ANKFN1: variants seen among roughly 807,000 people sequenced by gnomAD.
ANKFN1 encodes ankyrin repeat and fibronectin type III domain containing 1.
In ANKFN1, 74 loss-of-function variants were observed where a neutral mutation model predicts 108.7. The ratio of observed to expected loss-of-function variants is 0.68; its 90% CI spans 0.56 to 0.83. The LOEUF is 0.83. ANKFN1 is among the 40% of genes least tolerant of loss of function. ANKFN1 has a pLI of 0.00. For missense variants in ANKFN1, 1,505 were observed against 1,382.3 expected, an observed-to-expected ratio of 1.09 and a Z score of -1.41; for synonymous variants, 547 against 516.2, an observed-to-expected ratio of 1.06 and a Z score of -0.81.
At chr17:56,211,583 A>T (rs750643869) in intron 1 of ANKFN1, among the ~76,000 whole-genome samples, 18 of 152,244 alleles carry the variant, frequency 1.2e-4, no homozygotes, top group Non-Finnish European at 4.4e-5. Context: ...TGCTTTGGCT[A>T]TGCAGGCTTT....
intron 4 of ANKFN1, among the ~76,000 whole-genome samples, chr17:56,335,556 C>G (rs1035444243): frequency 2.6e-5 from 4 of 152,148 alleles, no homozygotes; most frequent in African/African-American, 9.7e-5. Flanking sequence ...GATTTTTGCA[C>G]ATTGATTTTG....
intron 15 of ANKFN1, among the ~76,000 whole-genome samples, chr17:56,469,586 C>T (rs2050244640): frequency 6.6e-6 from 1 of 151,908 alleles, no homozygotes; most frequent in Admixed American, 6.6e-5. Flanking sequence ...GTGTGAATAC[C>T]GACTCCACCC....
intron 4 of ANKFN1, among the ~76,000 whole-genome samples, chr17:56,071,939 A>C (rs1468930496): frequency 6.6e-6 from 1 of 152,262 alleles, no homozygotes; most frequent in East Asian, 1.9e-4. Context: ...TTCTGAGTGC[A>C]TGTTCTGGGC....
chr17:56,306,404 A>G (rs980830881), intron 3 of ANKFN1, among the ~76,000 whole-genome samples: 7 of 152,226 alleles, frequency 4.6e-5, no homozygotes, highest in South Asian at 2.1e-4. Context: ...TTTATGTGCA[A>G]AAATCACAAG....
intron 4 of ANKFN1, among the ~76,000 whole-genome samples, chr17:56,075,536 A>G (rs1327203718): frequency 6.6e-6 from 1 of 152,164 alleles, no homozygotes; most frequent in Non-Finnish European, 1.5e-5. Flanking sequence ...TATTCATGGC[A>G]TAAGAACAAT....
intron 3 of ANKFN1, among the ~76,000 whole-genome samples, chr17:56,308,452 G>C (rs977611277): frequency 3.3e-5 from 5 of 151,950 alleles, no homozygotes; most frequent in African/African-American, 1.2e-4. Context: ...TCTTTTTGTA[G>C]ATTTGTTGGG....
At chr17:56,180,379 C>A (rs928923823) in intron 1 of ANKFN1, among the ~76,000 whole-genome samples, 2 of 152,172 alleles carry the variant, frequency 1.3e-5, no homozygotes, top group Non-Finnish European at 1.5e-5. Flanking sequence ...TCTGTAAGCC[C>A]ATTCTTACCT....
rs1568025892 is a variant in ANKFN1, at chr17:56,467,767, GAAAGAAAGAAAGAAAGAA to G, written c.1773+1198_1773+1215del. ...ACAAAGAAAGAAAGAAAGAAAGAAA[GAAAGAAAGAAAGAAAGAA>G]AGAAAGAAGAAAGAAAGAAAGAAAG... On this transcript the variant is annotated intron_variant, in intron 15 of 20. Transcript: ENST00000682825. Among the ~76,000 whole-genome samples the G allele has an allele frequency of 2.5e-3, 58 of 23,574 alleles. 1 individual carries two copies. Among genetic ancestry groups the G allele is most frequent in the Admixed American group, 5.0e-3 (7 of 1,396 alleles). 15.5% of individuals were successfully genotyped at this position (23,574 alleles called of 152,430 possible).
chr17:56,186,124 G>T (rs532276461), intron 1 of ANKFN1, among the ~76,000 whole-genome samples: 6 of 152,262 alleles, frequency 3.9e-5, no homozygotes, highest in African/African-American at 1.2e-4. Flanking sequence ...TTTTACAAGG[G>T]TAAGTTTGGA....
At chr17:56,096,463 A>G (rs1905536573) in intron 4 of ANKFN1, among the ~76,000 whole-genome samples, 1 of 152,216 alleles carries the variant, frequency 6.6e-6, no homozygotes, top group Non-Finnish European at 1.5e-5. Flanking sequence ...AACAGTTGGA[A>G]TTGCTTTTAT....
chr17:56,374,220 C>T (rs540363881), intron 7 of ANKFN1, among the ~76,000 whole-genome samples: 2 of 152,134 alleles, frequency 1.3e-5, no homozygotes, highest in Admixed American at 6.5e-5. Flanking sequence ...CCAAGGAGGG[C>T]TGCAAAAAGC....
chr17:56,193,827 A>C (rs559819712), intron 1 of ANKFN1, among the ~76,000 whole-genome samples: 1 of 152,400 alleles, frequency 6.6e-6, no homozygotes, highest in South Asian at 2.1e-4. Context: ...TACTGTCAAA[A>C]GAATGAAAAG....
intron 3 of ANKFN1, among the ~76,000 whole-genome samples, chr17:56,322,113 C>A (rs1368572724): frequency 1.3e-5 from 2 of 152,240 alleles, no homozygotes; most frequent in South Asian, 4.1e-4. Flanking sequence ...AAGGACTCAG[C>A]TTCTGTTCTT....
At chr17:56,453,565 C>T (rs1744987986) in intron 11 of ANKFN1, among the ~76,000 whole-genome samples, 1 of 152,158 alleles carries the variant, frequency 6.6e-6, no homozygotes, top group Admixed American at 6.5e-5. Flanking sequence ...GCCCAGTGTA[C>T]AACTGTCACC....
chr17:56,284,671 G>A (rs1173224003), intron 3 of ANKFN1, among the ~76,000 whole-genome samples: 1 of 152,158 alleles, frequency 6.6e-6, no homozygotes, highest in East Asian at 1.9e-4. Context: ...TGAGTCATGG[G>A]CAGAAACATT....
At chr17:56,314,006 A>G (rs1046217276) in intron 3 of ANKFN1, among the ~76,000 whole-genome samples, 43 of 152,210 alleles carry the variant, frequency 2.8e-4, no homozygotes, top group African/African-American at 1.0e-3. Flanking sequence ...GTACTTGGTC[A>G]TCAGGGGAAT....
At position 56,170,807 on chromosome 17, in the gene ANKFN1, T is replaced by TATATACACACACACACAC. The variant is rs1361307404; in HGVS notation, c.-71+17278_-71+17279insTATACACACACACACACA. Among the ~76,000 whole-genome samples the TATATACACACACACACAC allele has an allele frequency of 2.4e-3, 150 of 61,394 alleles. 1 individual carries two copies. The highest frequency in any genetic ancestry group is 9.9e-3 in the African/African-American group (142 of 14,306). The allele number at this position is 61,394 out of a possible 152,430, so 40.3% of individuals were successfully genotyped here. A position where few individuals can be genotyped will look rare whatever the true frequency, so the allele number is the denominator to read the frequency against. ...ATATATATATATATATATATATATA[T>TATATACACACACACACAC]ACACACACACACACACACACACACA... On this transcript the variant is annotated intron_variant, in intron 1 of 20. Coordinates refer to ENST00000682825, the MANE Select transcript of ANKFN1 (RefSeq NM_001370326.1).
chr17:56,338,493 T>C (rs1342832841), intron 4 of ANKFN1, among the ~76,000 whole-genome samples: 3 of 152,082 alleles, frequency 2.0e-5, no homozygotes, highest in Non-Finnish European at 4.4e-5. Flanking sequence ...CTTCAACCTG[T>C]GGGTTTTTCA....
intron 9 of ANKFN1, among the ~76,000 whole-genome samples, chr17:56,441,433 C>T (rs1265917469): frequency 1.3e-5 from 2 of 152,000 alleles, no homozygotes; most frequent in Non-Finnish European, 2.9e-5. Context: ...GGGTAATCAC[C>T]ACGGAATCCT....
Sources: allele counts gnomAD v4.1 joint callset (sites outside exome capture counted in the v4.1 genomes callset), GRCh38; gene constraint gnomAD v4.1.1; transcripts MANE v1.5; gene names NCBI Gene and HGNC (gene_info 2026-07-23, HGNC 2026-07-21).